ADAMTS2: variants seen among roughly 807,000 people sequenced by gnomAD.
ADAMTS2 encodes the protein A disintegrin and metalloproteinase with thrombospondin motifs 2.
ADAMTS2 carries 50 observed loss-of-function variants against 123.0 expected under a neutral mutation model. That is an observed-to-expected ratio of 0.41 (90% CI 0.32 to 0.51). The LOEUF is 0.51. ADAMTS2 is among the 20% of genes least tolerant of loss of function. The pLI is 0.35. For missense variants in ADAMTS2, 1,494 were observed against 1,705.2 expected (o/e 0.88, Z 2.18); for synonymous variants, 678 against 695.4 (o/e 0.98, Z 0.39).
Position 179,132,638 on chromosome 5 carries a change from T to G in ADAMTS2, c.2209+139A>C. ...CCCGACTTAGGATTCTCCCTCCCCCTCAGTGTCACAGACCTCTCCCCCTCC... is the reference window on the plus strand; with the variant it reads ...CCCGACTTAGGATTCTCCCTCCCCCGCAGTGTCACAGACCTCTCCCCCTCC... On this transcript the variant is annotated intron_variant, in intron 14 of 21. Transcript: ENST00000251582. This position sits in a 1 kb window ranked among gnomAD's most constrained non-coding sequence, Gnocchi z 6.1. 1.4e-6 allele frequency: 1 copy of G among 720,380 alleles called. No individual in the cohort carries two copies. Among genetic ancestry groups the G allele is most frequent in the Non-Finnish European group, 2.0e-6 (1 of 511,808 alleles). 44.6% of individuals were successfully genotyped at this position (720,380 alleles called of 1,614,324 possible).
At chr5:179,210,090 A>G (rs1157760962) in intron 3 of ADAMTS2, among the ~76,000 whole-genome samples, 1 of 152,206 alleles carries the variant, frequency 6.6e-6, no homozygotes, top group Non-Finnish European at 1.5e-5. Flanking sequence ...TCTCTTGAGG[A>G]ATTAAGAGAT....
intron 10 of ADAMTS2, among the ~76,000 whole-genome samples, chr5:179,150,715 G>A (rs1763338166): frequency 6.6e-6 from 1 of 152,184 alleles, no homozygotes; most frequent in South Asian, 2.1e-4. Flanking sequence ...TTCCGGAATA[G>A]GCAACTCTAT....
chr5:179,243,207 G>A (rs1765707669), intron 3 of ADAMTS2, among the ~76,000 whole-genome samples: 1 of 151,538 alleles, frequency 6.6e-6, no homozygotes, highest in Non-Finnish European at 1.5e-5. Context: ...TCCAGGGGGA[G>A]AATGAATTTC....
intron 2 of ADAMTS2, among the ~76,000 whole-genome samples, chr5:179,323,557 C>A (rs183813660): frequency 1.3e-5 from 2 of 152,246 alleles, no homozygotes; most frequent in Non-Finnish European, 2.9e-5. Flanking sequence ...TTAACCTGGG[C>A]TCCATAAACT....
At chr5:179,299,475 GC>G (rs1346819769) in intron 2 of ADAMTS2, among the ~76,000 whole-genome samples, 1 of 143,348 alleles carries the variant, frequency 7.0e-6, no homozygotes, top group Non-Finnish European at 1.5e-5. Flanking sequence ...CTTGCAGTGA[GC>G]CAAGATCACA....
chr5:179,255,842 C>T (rs913076283), intron 3 of ADAMTS2, among the ~76,000 whole-genome samples: 1 of 152,202 alleles, frequency 6.6e-6, no homozygotes, highest in Non-Finnish European at 1.5e-5. Context: ...AGGGGCTCTG[C>T]AGCAGCAGGC....
rs1044864638 is a variant in ADAMTS2, at chr5:179,260,473, A to AG, written c.688+12437dup. Among the ~76,000 whole-genome samples the AG allele has an allele frequency of 2.0e-5, 3 of 152,148 alleles. No homozygotes were observed. The highest frequency in any genetic ancestry group is 7.2e-5 in the African/African-American group (3 of 41,432). On this transcript the variant is annotated intron_variant, in intron 3 of 21. Transcript: ENST00000251582. The surrounding 1 kb of genome is among the most constrained non-coding windows in gnomAD (Gnocchi z 4.2). ...TTCTGCAGCCGTTAAGTGGAGTTCC[A>AG]GGCCTTGGTGCTTGGAAGGCCCTCT... is the stretch of plus-strand genomic sequence containing the variant.
At chr5:179,258,055 A>G (rs761266063) in intron 3 of ADAMTS2, among the ~76,000 whole-genome samples, 2 of 152,034 alleles carry the variant, frequency 1.3e-5, no homozygotes, top group Non-Finnish European at 2.9e-5. Context: ...TCCTCAGCGA[A>G]CGCCTGACCC....
chr5:179,153,022 A>G (rs1763390948), intron 9 of ADAMTS2, among the ~76,000 whole-genome samples: 1 of 152,202 alleles, frequency 6.6e-6, no homozygotes, highest in Non-Finnish European at 1.5e-5. Flanking sequence ...TGTGGCCTCC[A>G]TGCCGATGGC....
At chr5:179,264,613 A>G (rs1422358640) in intron 3 of ADAMTS2, among the ~76,000 whole-genome samples, 3 of 152,230 alleles carry the variant, frequency 2.0e-5, no homozygotes, top group Non-Finnish European at 2.9e-5. Flanking sequence ...TTTGGAGGAC[A>G]TTCCCAACAC....
In ADAMTS2 at chr5:179,207,977, A is replaced by T. The variant is rs112729232; in HGVS notation, c.689-262T>A. Among the ~76,000 whole-genome samples, 12,944 of 152,194 alleles carry T rather than the reference A, an allele frequency of 0.085. 1,404 individuals carry two copies. Among genetic ancestry groups the T allele is most frequent in the African/African-American group, 0.26 (10,726 of 41,510 alleles). On this transcript the variant is annotated intron_variant, in intron 3 of 21. Coordinates refer to ENST00000251582, the MANE Select transcript of ADAMTS2 (RefSeq NM_014244.5). ...CCAGCCCCTGGTGGCAACCCCAGCCACAGCAGGGGCCACAGTGGCCTCCAC... is the reference window on the plus strand; with the variant it reads ...CCAGCCCCTGGTGGCAACCCCAGCCTCAGCAGGGGCCACAGTGGCCTCCAC...
chr5:179,144,077 C>G (rs973504278), intron 10 of ADAMTS2, among the ~76,000 whole-genome samples: 7 of 152,084 alleles, frequency 4.6e-5, no homozygotes, highest in Admixed American at 2.6e-4. Context: ...AACAAATTAA[C>G]TGAGGTTTCA....
At chr5:179,334,110 AG>A (rs1376721308) in intron 2 of ADAMTS2, among the ~76,000 whole-genome samples, 1 of 152,168 alleles carries the variant, frequency 6.6e-6, no homozygotes, top group African/African-American at 2.4e-5. Flanking sequence ...CGCCACTGGG[AG>A]GGAAGAAAGA....
intron 2 of ADAMTS2, among the ~76,000 whole-genome samples, chr5:179,296,970 A>G (rs1217458768): frequency 6.6e-6 from 1 of 152,212 alleles, no homozygotes; most frequent in African/African-American, 2.4e-5. Context: ...CAAACCCAGA[A>G]AGCAGGGTGT....
rs576808757 is a variant in ADAMTS2 at position 179,334,225 on chromosome 5, G to A, written c.534+9542C>T. 2.5e-4 allele frequency among the ~76,000 whole-genome samples: 38 copies of A among 152,282 alleles called. No homozygotes were observed. The East Asian group carries it at 6.4e-3, about 26-fold the overall frequency. ...TCACCCGCGTGGCCGGGAGGTGCTGGCTCCCCCACCTTCTGCAGGAAGGCT... is the reference window on the plus strand; with the variant it reads ...TCACCCGCGTGGCCGGGAGGTGCTGACTCCCCCACCTTCTGCAGGAAGGCT... On this transcript the variant is annotated intron_variant, in intron 2 of 21. Coordinates refer to ENST00000251582, the MANE Select transcript of ADAMTS2 (RefSeq NM_014244.5).
chr5:179,168,268 GT>G (rs936855400), intron 5 of ADAMTS2, among the ~76,000 whole-genome samples: 2 of 152,140 alleles, frequency 1.3e-5, no homozygotes, highest in African/African-American at 4.8e-5. Context: ...TGTCCCCCGG[GT>G]GGGGGGAGGG....
chr5:179,273,156 A>C, intron 2 of ADAMTS2, 92 bp from the exon 3 acceptor site: 1 of 1,575,164 alleles, frequency 6.3e-7, no homozygotes, highest in Non-Finnish European at 8.7e-7. Context: ...AGTACCTCCC[A>C]CCTGAAGACC....
intron 4 of ADAMTS2, among the ~76,000 whole-genome samples, chr5:179,193,855 T>C (rs1764359613): frequency 6.6e-6 from 1 of 152,118 alleles, no homozygotes; most frequent in Admixed American, 6.5e-5. Context: ...AGACCCAGGA[T>C]TGCTTGACTG....
At chr5:179,149,748 C>T (rs888597120) in intron 10 of ADAMTS2, among the ~76,000 whole-genome samples, 1 of 152,166 alleles carries the variant, frequency 6.6e-6, no homozygotes. Flanking sequence ...GACAGCAGCC[C>T]GGGAGGAGCC....
Sources: gnomAD v4.1 joint callset for allele counts (sites outside exome capture counted in the v4.1 genomes callset) on GRCh38, gnomAD v4.1.1 for gene constraint, Gnocchi (gnomAD v3.1) non-coding constraint, MANE v1.5 for transcripts, NCBI Gene and HGNC (gene_info 2026-07-23, HGNC 2026-07-21) for gene names.